Variants in BICD2 observed in about 807,000 individuals in gnomAD.
BICD2 encodes protein bicaudal D homolog 2.
A neutral mutation model predicts 72.9 loss-of-function variants in BICD2; 25 were observed. The ratio of observed to expected loss-of-function variants is 0.34; its 90% CI spans 0.25 to 0.48. The LOEUF is 0.48. BICD2 is among the 20% of genes least tolerant of loss of function. The probability of loss-of-function intolerance (pLI) is 0.99; values close to 1 mark genes in which losing one functional copy is unlikely to be tolerated. For synonymous variants in BICD2, 501 were observed against 516.1 expected, an observed-to-expected ratio of 0.97 and a Z score of 0.40; for missense variants, 894 against 1,175.2, an observed-to-expected ratio of 0.76 and a Z score of 3.50.
chr9:92,719,575 C>T lies in BICD2; in HGVS notation c.1070G>A (p.Arg357Gln), dbSNP rs867638753. 1.9e-6 allele frequency: 3 copies of T among 1,601,878 alleles called. No homozygotes were observed. The highest frequency in any genetic ancestry group is 2.6e-6 in the Non-Finnish European group (3 of 1,175,756). Residue 357 changes from arginine to glutamine, a missense_variant, in exon 5 of 7, where the codon CGG becomes CAG. Around this residue, in one of 5 missense-constraint regions of BICD2, gnomAD observed 371 missense variants for 439.1 expected, o/e 0.84. Coordinates refer to ENST00000356884, the MANE Select transcript of BICD2 (RefSeq NM_001003800.2). Reference sequence around the variant, plus strand: ...CGTTGCCAGCAGGCCCGCCTTTTCCCGCTCCATCTGCAAAGGCACAGGCAG... The same window carrying T: ...CGTTGCCAGCAGGCCCGCCTTTTCCTGCTCCATCTGCAAAGGCACAGGCAG... ...KLKQQLMQMEREKAGLLATLQ... is the reference protein window; with the variant it reads ...KLKQQLMQMEQEKAGLLATLQ...
At chr9:92,738,924 C>A (rs1853842275) in intron 1 of BICD2, among the ~76,000 whole-genome samples, 1 of 152,242 alleles carries the variant, frequency 6.6e-6, no homozygotes. Context: ...GCTGATCCAG[C>A]ACCACCCACT....
intron 2 of BICD2, among the ~76,000 whole-genome samples, chr9:92,725,088 G>A (rs1384113257): frequency 6.6e-6 from 1 of 152,200 alleles, no homozygotes; most frequent in African/African-American, 2.4e-5. Context: ...GCCTGGGCAG[G>A]GAGATAGTGA....
At chr9:92,752,942 G>C (rs1426193380) in intron 1 of BICD2, among the ~76,000 whole-genome samples, 3 of 152,190 alleles carry the variant, frequency 2.0e-5, no homozygotes, top group Non-Finnish European at 4.4e-5. Flanking sequence ...TCCTTCCCGA[G>C]AATACAGTAT....
rs1853397224 is a variant in BICD2, at chr9:92,719,083, C to T, written c.1562G>A (p.Ser521Asn). 2.5e-6 allele frequency: 4 copies of T among 1,613,110 alleles called. No homozygotes were observed. Among genetic ancestry groups the T allele is most frequent in the Non-Finnish European group, 2.5e-6 (3 of 1,179,986 alleles). The change falls in exon 5 of 7, where the codon AGT becomes AAT. Residue 521 changes from serine to asparagine, a missense_variant. Coordinates refer to ENST00000356884, the MANE Select transcript of BICD2 (RefSeq NM_001003800.2). ...GGTCACCAGCTCATCCTGGGCCACA[C>T]TCAGGCTGCCCTGTGTCTCGCCGGC... ...DVAGETQGSL[S>N]VAQDELVTFS...
In BICD2 at chr9:92,764,703, C is replaced by T. The variant is rs564099533; in HGVS notation, c.42G>A (p.Val14=). The change falls in exon 1 of 7, where the codon GTG becomes GTA. Residue 14 remains valine (V), a synonymous_variant. Transcript: ENST00000356884. This position sits in a 1 kb window ranked among gnomAD's most constrained non-coding sequence, Gnocchi z 5.5. ...PSEEEEYARL[V]MEAQPEWLRA... ...GCAGCCACTCCGGCTGCGCCTCCAT[C>T]ACCAGCCGCGCGTACTCCTCCTCCT... The T allele has an allele frequency of 6.3e-6, 10 of 1,587,760 alleles. No individual in the cohort carries two copies. In the African/African-American group the frequency reaches 9.5e-5, roughly 15 times the overall value.
Position 92,715,259 on chromosome 9 carries a change from T to C in BICD2, c.2463A>G (p.Thr821=), listed in dbSNP as rs1371999969. 1.9e-6 allele frequency: 3 copies of C among 1,613,070 alleles called. No individual in the cohort carries two copies. In the South Asian group the frequency reaches 3.3e-5, roughly 18 times the overall value. Residue 821 remains threonine, a synonymous_variant, in exon 7 of 7, where the codon ACA becomes ACG. Coordinates refer to ENST00000356884, the MANE Select transcript of BICD2 (RefSeq NM_001003800.2). The part of the protein sequence containing the change: ...AKAAPKTKPA[T]PSVSHTCACA... ...AGGCACAGGTGTGACTTACGCTCGG[T>C]GTGGCTGGCTTGGTCTTCGGGGCGG...
chr9:92,758,551 CAAAAAAA>C (rs35074765), intron 1 of BICD2, among the ~76,000 whole-genome samples: 1 of 95,712 alleles, frequency 1.0e-5, no homozygotes, highest in African/African-American at 4.4e-5. Context: ...GACTCCGTCT[CAAAAAAA>C]AAAAAAAAAA....
In BICD2 at chr9:92,720,245, A is replaced by C; in HGVS notation, c.1062+55T>G. On this transcript the variant is annotated intron_variant, in intron 4 of 6. Coordinates refer to ENST00000356884, the MANE Select transcript of BICD2 (RefSeq NM_001003800.2). This position sits in a 1 kb window ranked among gnomAD's most constrained non-coding sequence, Gnocchi z 5.4. ...AGTGTCAGGTAAGCACTGCTCGGGGAGCCCTGCAGACCTGGAGTGGGGACA... is the reference window on the plus strand; with the variant it reads ...AGTGTCAGGTAAGCACTGCTCGGGGCGCCCTGCAGACCTGGAGTGGGGACA... 2.6e-6 allele frequency: 4 copies of C among 1,514,324 alleles called. No homozygotes were observed. In the South Asian group the frequency reaches 5.1e-5, roughly 19 times the overall value. 93.8% of individuals were successfully genotyped at this position (1,514,324 alleles called of 1,614,324 possible).
intron 1 of BICD2, among the ~76,000 whole-genome samples, chr9:92,757,353 C>T (rs1177457122): frequency 7.0e-6 from 1 of 141,896 alleles, no homozygotes; most frequent in Non-Finnish European, 1.5e-5. Flanking sequence ...AGAAGGCCTT[C>T]AACCAAATGC....
intron 1 of BICD2, among the ~76,000 whole-genome samples, chr9:92,761,521 C>G (rs754116819): frequency 3.3e-5 from 5 of 152,188 alleles, no homozygotes; most frequent in Non-Finnish European, 5.9e-5. Flanking sequence ...CAGGTGGAGT[C>G]AAGACTGTTC....
intron 1 of BICD2, among the ~76,000 whole-genome samples, chr9:92,745,814 G>A (rs1854000295): frequency 6.6e-6 from 1 of 152,180 alleles, no homozygotes; most frequent in Non-Finnish European, 1.5e-5. Context: ...AGAAAGAGAG[G>A]CTGATGATCC....
At position 92,720,263 on chromosome 9, in the gene BICD2, T is replaced by A; in HGVS notation, c.1062+37A>T. 5.1e-6 allele frequency: 8 copies of A among 1,569,458 alleles called. No homozygotes were observed. Among genetic ancestry groups the A allele is most frequent in the Non-Finnish European group, 6.9e-6 (8 of 1,157,040 alleles). ...CTCGGGGAGCCCTGCAGACCTGGAG[T>A]GGGGACAGCGTGCCGAAGGCCCCAC... On this transcript the variant is annotated intron_variant, in intron 4 of 6. Transcript: ENST00000356884. This position sits in a 1 kb window ranked among gnomAD's most constrained non-coding sequence, Gnocchi z 5.4.
chr9:92,719,091 G>A lies in BICD2; in HGVS notation c.1554C>T (p.Gly518=), dbSNP rs1213865234. The A allele has an allele frequency of 1.2e-6, 2 of 1,612,992 alleles. No individual in the cohort carries two copies. The highest frequency in any genetic ancestry group is 1.7e-6 in the Non-Finnish European group (2 of 1,179,990). Residue 518 remains glycine, a synonymous_variant, in exon 5 of 7, where the codon GGC becomes GGT. Transcript: ENST00000356884. ...GCTCATCCTGGGCCACACTCAGGCT[G>A]CCCTGTGTCTCGCCGGCGACGTCGC... is the stretch of plus-strand genomic sequence containing the variant. ...KVSDVAGETQ[G]SLSVAQDELV... is the part of the protein sequence containing the mutation.
chr9:92,751,054 G>A (rs1854137006), intron 1 of BICD2, among the ~76,000 whole-genome samples: 1 of 151,950 alleles, frequency 6.6e-6, no homozygotes, highest in African/African-American at 2.4e-5. Flanking sequence ...GGGACTACAG[G>A]CACACACCAC....
chr9:92,715,151 C>A lies in BICD2; in HGVS notation c.*3G>T. 6.3e-7 allele frequency: 1 copy of A among 1,575,412 alleles called. No homozygotes were observed. The highest frequency in any genetic ancestry group is 2.3e-5 in the East Asian group (1 of 44,256). The stretch of plus-strand genomic sequence containing the variant: ...AGCTGCAGCGTGCGGCGCCCCACAG[C>A]CCCTAATCACAGTAAATGCTGTGCT... On this transcript the variant is annotated 3_prime_UTR_variant, in exon 7 of 7. Coordinates refer to ENST00000356884, the MANE Select transcript of BICD2 (RefSeq NM_001003800.2).
rs997961601 is a variant in BICD2, at chr9:92,713,631, C to T, written c.*1523G>A. 6.7e-7 allele frequency: 1 copy of T among 1,494,454 alleles called. No individual in the cohort carries two copies. The allele number at this position is 1,494,454 out of a possible 1,614,324, so 92.6% of individuals were successfully genotyped here. A position where few individuals can be genotyped will look rare whatever the true frequency, so the allele number is the denominator to read the frequency against. On this transcript the variant is annotated 3_prime_UTR_variant, in exon 7 of 7. Coordinates refer to ENST00000356884, the MANE Select transcript of BICD2 (RefSeq NM_001003800.2). ...AGTGGCTTGGGTGTCTGCAAAGTCC[C>T]TTAGGAGTATGGAGAGAAGCTATGT...
At position 92,720,244 on chromosome 9, in the gene BICD2, G is replaced by A; in HGVS notation, c.1062+56C>T. 2.6e-6 allele frequency: 4 copies of A among 1,513,328 alleles called. No homozygotes were observed. Among genetic ancestry groups the A allele is most frequent in the East Asian group, 2.3e-5 (1 of 44,106 alleles). The allele number at this position is 1,513,328 out of a possible 1,614,324, so 93.7% of individuals were successfully genotyped here. A position where few individuals can be genotyped will look rare whatever the true frequency, so the allele number is the denominator to read the frequency against. On this transcript the variant is annotated intron_variant, in intron 4 of 6. Coordinates refer to ENST00000356884, the MANE Select transcript of BICD2 (RefSeq NM_001003800.2). The surrounding 1 kb of genome is among the most constrained non-coding windows in gnomAD (Gnocchi z 5.4). ...GAGTGTCAGGTAAGCACTGCTCGGGGAGCCCTGCAGACCTGGAGTGGGGAC... is the reference window on the plus strand; with the variant it reads ...GAGTGTCAGGTAAGCACTGCTCGGGAAGCCCTGCAGACCTGGAGTGGGGAC...
chr9:92,751,134 TTTGTTGTTGTTG>T (rs199613227), intron 1 of BICD2, among the ~76,000 whole-genome samples: 7 of 150,460 alleles, frequency 4.7e-5, no homozygotes, highest in South Asian at 4.3e-4. Flanking sequence ...TGGTTGGTTT[TTTGTTGTTGTTG>T]TTGTTGTTGT....
chr9:92,751,139 TGTTG>T (rs1854141011), intron 1 of BICD2, among the ~76,000 whole-genome samples: 2 of 148,850 alleles, frequency 1.3e-5, no homozygotes, highest in African/African-American at 4.9e-5. Context: ...GGTTTTTTGT[TGTTG>T]TTGTTGTTGT....
Sources: allele counts gnomAD v4.1 joint callset (sites outside exome capture counted in the v4.1 genomes callset), GRCh38; gene constraint gnomAD v4.1.1; regional missense constraint gnomAD v4.1.1; non-coding constraint Gnocchi (gnomAD v3.1); transcripts MANE v1.5; gene names NCBI Gene and HGNC (gene_info 2026-07-23, HGNC 2026-07-21).